The following DPP6 variants were observed in gnomAD, a reference collection of about 807,000 sequenced individuals.
DPP6 encodes the protein A-type potassium channel modulatory protein DPP6.
A neutral mutation model predicts 122.6 loss-of-function variants in DPP6; 69 were observed. The ratio of observed to expected loss-of-function variants is 0.56; its 90% CI spans 0.46 to 0.69. DPP6 has a LOEUF of 0.69. Among genes scored for constraint, DPP6 ranks in the 30% least tolerant of loss-of-function variants. The probability of loss-of-function intolerance (pLI) is 0.00; values close to 1 mark genes in which losing one functional copy is unlikely to be tolerated. For missense variants in DPP6, 928 were observed against 1,116.9 expected (o/e 0.83, Z 2.41); for synonymous variants, 418 against 433.1 (o/e 0.97, Z 0.43).
intron 1 of DPP6, among the ~76,000 whole-genome samples, chr7:154,180,352 A>T (rs1031435474): frequency 3.4e-5 from 5 of 148,114 alleles, no homozygotes; most frequent in Non-Finnish European, 5.9e-5. Flanking sequence ...AGATAGATAG[A>T]TAGATAGATT....
intron 1 of DPP6, among the ~76,000 whole-genome samples, chr7:154,192,037 G>A (rs956104655): frequency 2.6e-5 from 4 of 152,190 alleles, no homozygotes; most frequent in African/African-American, 9.7e-5. Context: ...GGGGACAAGT[G>A]CTGGTGGATT....
At chr7:154,513,948 A>G (rs1177810093) in intron 3 of DPP6, among the ~76,000 whole-genome samples, 2 of 152,188 alleles carry the variant, frequency 1.3e-5, no homozygotes, top group Non-Finnish European at 2.9e-5. Flanking sequence ...TGTGATTTCC[A>G]AAGCCATAAA....
At chr7:154,717,162 T>C (rs937856609) in intron 7 of DPP6, among the ~76,000 whole-genome samples, 4 of 152,242 alleles carry the variant, frequency 2.6e-5, no homozygotes, top group African/African-American at 2.4e-5. Context: ...GTATACAATG[T>C]GTAATTATCA....
chr7:153,846,794 G>A, the DPP6 span, among the ~76,000 whole-genome samples: 3 of 145,364 alleles, frequency 2.1e-5, no homozygotes, highest in East Asian at 2.2e-4. Flanking sequence ...CTGGGTTCAC[G>A]CCATTCTCCT....
rs142136728 is a variant in DPP6 at position 154,027,316 on chromosome 7, A to G, written c.51+139582A>G. Among the ~76,000 whole-genome samples the G allele has an allele frequency of 8.5e-3, 1,287 of 152,210 alleles. 23 individuals are homozygous for G. The highest frequency in any genetic ancestry group is 0.03 in the African/African-American group (1,227 of 41,534). The stretch of plus-strand genomic sequence containing the variant: ...CTGTTTCTAAACATTTTTTTTGGTC[A>G]TGTTAACTTACTTGATTCTTCAGAG... On this transcript the variant is annotated intron_variant, in intron 1 of 25. Transcript: ENST00000404039.
In DPP6 at chr7:154,885,658, A is replaced by C. The variant is rs759243145; in HGVS notation, c.2159A>C (p.Tyr720Ser). ...GATTACGGTGGCTACCTGAGCACCT[A>C]CATCCTCCCAGCAAAGGGAGAAAAT... is the stretch of plus-strand genomic sequence containing the variant. ...GKDYGGYLSTYILPAKGENQG... is the reference protein window; with the variant it reads ...GKDYGGYLSTSILPAKGENQG... The change falls in exon 22 of 26, where the codon TAC (tyrosine) becomes TCC (serine). Residue 720 changes from tyrosine to serine, a missense_variant. Physicochemically the swap from Tyr to Ser is moderately radical, Grantham distance 144 (BLOSUM62 -2). Coordinates refer to ENST00000377770, the MANE Select transcript of DPP6 (RefSeq NM_130797.4). 1.9e-6 allele frequency: 3 copies of C among 1,585,000 alleles called. No homozygotes were observed. In the African/African-American group the frequency reaches 4.0e-5, roughly 21 times the overall value.
intron 1 of DPP6, among the ~76,000 whole-genome samples, chr7:153,911,854 C>A (rs11975674): frequency 6.6e-6 from 1 of 151,774 alleles, no homozygotes; most frequent in East Asian, 1.9e-4. Flanking sequence ...TTTCTTTTTG[C>A]GGAAGGCACC....
At chr7:154,017,719 T>A (rs200721536) in intron 1 of DPP6, among the ~76,000 whole-genome samples, 880 of 83,126 alleles carry the variant, frequency 0.011, 4 homozygotes, top group African/African-American at 0.027. Context: ...AAAAAAAAAA[T>A]AAAAAAATAA....
chr7:154,806,157 G>C (rs529953892), intron 15 of DPP6, among the ~76,000 whole-genome samples: 1 of 152,334 alleles, frequency 6.6e-6, no homozygotes, highest in African/African-American at 2.4e-5. Context: ...ATAAACATGA[G>C]AGGCTGCCTG....
At chr7:154,096,703 A>G (rs1327328355) in intron 1 of DPP6, among the ~76,000 whole-genome samples, 2 of 152,210 alleles carry the variant, frequency 1.3e-5, no homozygotes, top group Non-Finnish European at 2.9e-5. Context: ...TATAGAGACC[A>G]AATCTTATAA....
intron 1 of DPP6, among the ~76,000 whole-genome samples, chr7:154,316,239 G>A (rs754857522): frequency 6.6e-6 from 1 of 152,078 alleles, no homozygotes; most frequent in South Asian, 2.1e-4. Context: ...ACCCTCACCT[G>A]TCCTACCCAA....
chr7:154,533,082 C>T (rs1827973284), intron 3 of DPP6, among the ~76,000 whole-genome samples: 1 of 152,194 alleles, frequency 6.6e-6, no homozygotes, highest in African/African-American at 2.4e-5. Context: ...ATCACATCAC[C>T]TTTCTTCAAT....
chr7:153,831,863 A>T, the DPP6 span, among the ~76,000 whole-genome samples: 1 of 152,192 alleles, frequency 6.6e-6, no homozygotes, highest in Middle Eastern at 3.2e-3. Flanking sequence ...GTCACTGTAG[A>T]CCTTAGAGAA....
At chr7:154,636,158 A>G (rs943926002) in intron 5 of DPP6, among the ~76,000 whole-genome samples, 1 of 152,200 alleles carries the variant, frequency 6.6e-6, no homozygotes, top group African/African-American at 2.4e-5. Flanking sequence ...GATCAATCAT[A>G]TGAAAAGGCG....
intron 1 of DPP6, among the ~76,000 whole-genome samples, chr7:154,015,130 T>G (rs1798342305): frequency 1.3e-5 from 2 of 152,028 alleles, no homozygotes; most frequent in Admixed American, 6.6e-5. Flanking sequence ...TTTGTGGAGA[T>G]CCAGAATCTC....
chr7:154,466,732 C>T (rs779779352), intron 2 of DPP6, among the ~76,000 whole-genome samples: 7 of 152,168 alleles, frequency 4.6e-5, no homozygotes, highest in Admixed American at 2.0e-4. Context: ...TACCAGTGCA[C>T]GTGGACGTCT....
rs568237162 is a variant in DPP6, at chr7:154,107,245, T to C, written c.243+54182T>C. Among the ~76,000 whole-genome samples the C allele has an allele frequency of 7.4e-3, 1,130 of 152,356 alleles. 12 individuals are homozygous for C. Among genetic ancestry groups the C allele is most frequent in the Non-Finnish European group, 0.011 (748 of 68,040 alleles). On this transcript the variant is annotated intron_variant, in intron 1 of 25. Coordinates refer to ENST00000377770, the MANE Select transcript of DPP6 (RefSeq NM_130797.4). ...GTGGTGTATGTACACAATGGAATAC[T>C]ATGCAGCCTTAAAAAAGCAGGAGAG...
the DPP6 span, among the ~76,000 whole-genome samples, chr7:153,851,558 T>G: frequency 6.6e-6 from 1 of 152,222 alleles, no homozygotes; most frequent in African/African-American, 2.4e-5. Context: ...CTTTCAAGCA[T>G]TTTCTTTTTA....
intron 1 of DPP6, among the ~76,000 whole-genome samples, chr7:154,314,945 T>G (rs548628909): frequency 6.6e-6 from 1 of 152,350 alleles, no homozygotes; most frequent in South Asian, 2.1e-4. Context: ...TCAAACCTAC[T>G]GCGGTTTTTC....
Sources: allele counts gnomAD v4.1 joint callset (sites outside exome capture counted in the v4.1 genomes callset), GRCh38; gene constraint gnomAD v4.1.1; transcripts MANE v1.5; gene names NCBI Gene and HGNC (gene_info 2026-07-23, HGNC 2026-07-21).